The following PRKN variants were observed in gnomAD, a reference collection of about 807,000 sequenced individuals.
PRKN encodes parkin RBR E3 ubiquitin protein ligase.
In PRKN, 56 loss-of-function variants were observed where a neutral mutation model predicts 59.5. The ratio of observed to expected loss-of-function variants is 0.94; its 90% CI spans 0.76 to 1.18. PRKN has a LOEUF of 1.18. Ranked by LOEUF, PRKN falls within the 50% of genes most tolerant of loss-of-function variation. The probability of loss-of-function intolerance (pLI) is 0.00; values close to 1 mark genes in which losing one functional copy is unlikely to be tolerated. For missense variants in PRKN, 657 were observed against 596.4 expected (o/e 1.10, Z -1.06); for synonymous variants, 250 against 222.1 (o/e 1.13, Z -1.12).
chr6:161,512,700 G>A (rs145798480), intron 9 of PRKN, among the ~76,000 whole-genome samples: 4 of 152,140 alleles, frequency 2.6e-5, no homozygotes, highest in South Asian at 2.1e-4. Context: ...TGTTCTACAC[G>A]AGGAGAAAAC....
chr6:162,425,921 T>A (rs1789217994), intron 2 of PRKN, among the ~76,000 whole-genome samples: 1 of 152,220 alleles, frequency 6.6e-6, no homozygotes, highest in South Asian at 2.1e-4. Flanking sequence ...AACGCATGGA[T>A]GTGATAGCGA....
intron 9 of PRKN, among the ~76,000 whole-genome samples, chr6:161,479,822 G>A (rs1449555933): frequency 1.3e-5 from 2 of 152,216 alleles, no homozygotes; most frequent in Non-Finnish European, 2.9e-5. Context: ...TTGTGACAGT[G>A]TGGGGCTGGT....
rs1214966105 is a variant in PRKN at position 161,393,884 on chromosome 6, C to A, written c.1084-7007G>T. Among the ~76,000 whole-genome samples the A allele has an allele frequency of 6.6e-6, 1 of 152,120 alleles. No homozygotes were observed. The highest frequency in any genetic ancestry group is 1.5e-5 in the Non-Finnish European group (1 of 68,034). Reference sequence around the variant, plus strand: ...TAAAAGAATAGGAGAGAATCAAATACCATCTTAGGACCCCTTACTAGAGTC... The same window carrying A: ...TAAAAGAATAGGAGAGAATCAAATAACATCTTAGGACCCCTTACTAGAGTC... On this transcript the variant is annotated intron_variant, in intron 9 of 11. Transcript: ENST00000366898. This position sits in a 1 kb window ranked among gnomAD's most constrained non-coding sequence, Gnocchi z 4.7.
At position 161,976,170 on chromosome 6, in the gene PRKN, G is replaced by T. The variant is rs530223196; in HGVS notation, c.619-2753C>A. Among the ~76,000 whole-genome samples, 220 of 152,248 alleles carry T rather than the reference G, an allele frequency of 1.4e-3. 1 individual carries two copies. Among genetic ancestry groups the T allele is most frequent in the Admixed American group, 2.3e-3 (35 of 15,298 alleles). ...TCCACCTGCCTCGGCCTCCCAAAGTGCTGGGATTACAGGTGTGAGCCACTG... is the reference window on the plus strand; with the variant it reads ...TCCACCTGCCTCGGCCTCCCAAAGTTCTGGGATTACAGGTGTGAGCCACTG... On this transcript the variant is annotated intron_variant, in intron 5 of 11. Transcript: ENST00000366898.
At chr6:161,679,458 A>G (rs1227051261) in intron 7 of PRKN, among the ~76,000 whole-genome samples, 1 of 152,020 alleles carries the variant, frequency 6.6e-6, no homozygotes, top group Non-Finnish European at 1.5e-5. Context: ...TCTGGCAACA[A>G]GGACTGGGAA....
intron 9 of PRKN, among the ~76,000 whole-genome samples, chr6:161,449,688 C>G (rs11966738): frequency 0.14 from 21,432 of 152,146 alleles, 1,735 homozygotes; most frequent in African/African-American, 0.2. Context: ...AACCAAAGTG[C>G]AGACTTGTCC....
At chr6:161,713,145 C>T (rs55836909) in intron 7 of PRKN, among the ~76,000 whole-genome samples, 589 of 152,272 alleles carry the variant, frequency 3.9e-3, no homozygotes, top group East Asian at 7.5e-3. Context: ...CATGAAAACA[C>T]TTATATTTAT....
At chr6:161,762,074 T>G (rs924485326) in intron 7 of PRKN, among the ~76,000 whole-genome samples, 1 of 152,172 alleles carries the variant, frequency 6.6e-6, no homozygotes, top group South Asian at 2.1e-4. Flanking sequence ...GGGTGAGGGC[T>G]GAAAAAACAA....
rs561561444 is a variant in PRKN, at chr6:162,565,239, C to T, written c.8-121766G>A. Reference sequence around the variant, plus strand: ...AAACCAAAACAACACACAGTGGAGACACAAAAAAGAAAAAGCAAGAAACTA... The same window carrying T: ...AAACCAAAACAACACACAGTGGAGATACAAAAAAGAAAAAGCAAGAAACTA... On this transcript the variant is annotated intron_variant, in intron 1 of 11. Coordinates refer to ENST00000366898, the MANE Select transcript of PRKN (RefSeq NM_004562.3). Among the ~76,000 whole-genome samples the T allele has an allele frequency of 1.8e-4, 28 of 151,416 alleles. 2 individuals carry two copies. The South Asian group carries it at 5.6e-3, about 30-fold the overall frequency.
chr6:162,642,767 T>A (rs1778011683), intron 1 of PRKN, among the ~76,000 whole-genome samples: 1 of 151,766 alleles, frequency 6.6e-6, no homozygotes, highest in Non-Finnish European at 1.5e-5. Flanking sequence ...ACCAATCTAA[T>A]CAAAAATTCA....
chr6:161,433,773 T>C (rs1455379535), intron 9 of PRKN, among the ~76,000 whole-genome samples: 3 of 151,992 alleles, frequency 2.0e-5, no homozygotes, highest in African/African-American at 7.3e-5. Context: ...TCCCAGCACT[T>C]TGGGAGGCCG....
chr6:162,716,199 A>C (rs1219527732), intron 1 of PRKN, among the ~76,000 whole-genome samples: 4 of 152,228 alleles, frequency 2.6e-5, no homozygotes, highest in Non-Finnish European at 5.9e-5. Flanking sequence ...ATCTATTTAA[A>C]AAATTTATTC....
At chr6:162,383,545 T>C (rs753792350) in intron 2 of PRKN, among the ~76,000 whole-genome samples, 6 of 152,150 alleles carry the variant, frequency 3.9e-5, no homozygotes, top group Admixed American at 3.9e-4. Flanking sequence ...GGCTGTGTTG[T>C]TGCATTTACA....
Position 162,374,556 on chromosome 6 carries a change from T to C in PRKN, c.171+68754A>G, listed in dbSNP as rs539309371. On this transcript the variant is annotated intron_variant, in intron 2 of 11. Coordinates refer to ENST00000366898, the MANE Select transcript of PRKN (RefSeq NM_004562.3). ...ATTTATTTGTTTGTTTGTTTATTTATTTATTTATTCATTTATTGGATAGGT... is the reference window on the plus strand; with the variant it reads ...ATTTATTTGTTTGTTTGTTTATTTACTTATTTATTCATTTATTGGATAGGT... 3.3e-5 allele frequency among the ~76,000 whole-genome samples: 5 copies of C among 152,196 alleles called. No homozygotes were observed. In the East Asian group the frequency reaches 9.7e-4, roughly 29 times the overall value.
At chr6:162,392,322 C>A (rs1054090811) in intron 2 of PRKN, among the ~76,000 whole-genome samples, 1 of 152,078 alleles carries the variant, frequency 6.6e-6, no homozygotes, top group South Asian at 2.1e-4. Context: ...TCAAAGGAGG[C>A]CAGAAGTTTT....
intron 4 of PRKN, among the ~76,000 whole-genome samples, chr6:162,122,996 A>T (rs1401022574): frequency 6.8e-6 from 1 of 148,094 alleles, no homozygotes; most frequent in Admixed American, 6.9e-5. Flanking sequence ...ACCAGGAGAA[A>T]CAAAAATAGT....
intron 5 of PRKN, among the ~76,000 whole-genome samples, chr6:161,994,669 TAACA>T (rs1246243183): frequency 6.6e-6 from 1 of 151,068 alleles, no homozygotes; most frequent in Non-Finnish European, 1.5e-5. Context: ...TCTATACCAA[TAACA>T]AACTAATTGA....
chr6:162,569,410 G>A (rs1739046199), intron 1 of PRKN: 5 of 680,230 alleles, frequency 7.4e-6, no homozygotes, highest in South Asian at 6.9e-5. Flanking sequence ...AGAAGCTGAA[G>A]AACATGAAGC....
In PRKN at chr6:161,409,455, A is replaced by G. The variant is rs1480047827; in HGVS notation, c.1084-22578T>C. ...GCAGTGTGCTGACACTAATACATAA[A>G]ATGCGGAAGGACCCAGTCTTTCCAG... On this transcript the variant is annotated intron_variant, in intron 9 of 11. Coordinates refer to ENST00000366898, the MANE Select transcript of PRKN (RefSeq NM_004562.3). The surrounding 1 kb of genome is among the most constrained non-coding windows in gnomAD (Gnocchi z 4.6). Among the ~76,000 whole-genome samples, 10 of 152,074 alleles carry G rather than the reference A, an allele frequency of 6.6e-5. No individual in the cohort carries two copies. Among genetic ancestry groups the G allele is most frequent in the Non-Finnish European group, 1.0e-4 (7 of 68,022 alleles).
Sources: gnomAD v4.1 joint callset for allele counts (sites outside exome capture counted in the v4.1 genomes callset) on GRCh38, gnomAD v4.1.1 for gene constraint, Gnocchi (gnomAD v3.1) non-coding constraint, MANE v1.5 for transcripts, NCBI Gene and HGNC (gene_info 2026-07-23, HGNC 2026-07-21) for gene names.